The following HS6ST2 variants were observed in gnomAD, a reference collection of about 807,000 sequenced individuals.
The protein encoded by HS6ST2 is heparan-sulfate 6-O-sulfotransferase 2.
Under a neutral mutation model 33.0 loss-of-function variants are expected in HS6ST2, and 17 were observed. The ratio of observed to expected loss-of-function variants is 0.52; its 90% CI spans 0.35 to 0.77. The LOEUF (loss-of-function observed/expected upper bound fraction) is 0.77, where lower values mean the gene tolerates loss of function less well. HS6ST2 is among the 30% of genes least tolerant of loss of function. The pLI, the probability that HS6ST2 is intolerant of heterozygous loss-of-function variation, is 0.01. For missense variants in HS6ST2, 519 were observed against 551.7 expected (o/e 0.94, Z 0.59); for synonymous variants, 248 against 237.1 (o/e 1.05, Z -0.42).
At chrX:132,694,964 G>A (rs1229424673) in intron 3 of HS6ST2, among the ~76,000 whole-genome samples, 1 of 110,984 alleles carries the variant, frequency 9.0e-6, no homozygotes, top group Non-Finnish European at 1.9e-5. Flanking sequence ...TTTGTCTGGG[G>A]GCAGGTGAAG....
Position 132,681,005 on chromosome X carries a change from TA to T in HS6ST2, c.981-11807del, listed in dbSNP as rs56407214. 2.8e-3 allele frequency among the ~76,000 whole-genome samples: 263 copies of T among 95,548 alleles called. 1 individual carries two copies. Among genetic ancestry groups the T allele is most frequent in the Admixed American group, 4.6e-3 (40 of 8,786 alleles). 83.0% of individuals were successfully genotyped at this position (95,548 alleles called of 115,157 possible). A position where few individuals can be genotyped will look rare whatever the true frequency, so the allele number is the denominator to read the frequency against. On this transcript the variant is annotated intron_variant, in intron 3 of 4. Coordinates refer to ENST00000370833, the MANE Select transcript of HS6ST2 (RefSeq NM_001394073.1). ...GGGCAACAAGAGCAAAACTCTGTCT[TA>T]AAAAAAAAAAAAAAGTCTTGTGTTT...
At chrX:132,801,574 C>T (rs1016145467) in intron 2 of HS6ST2, among the ~76,000 whole-genome samples, 4 of 111,602 alleles carry the variant, frequency 3.6e-5, no homozygotes, top group South Asian at 3.8e-4. Context: ...AGAATTGCAG[C>T]GCCAGGTGGA....
intron 2 of HS6ST2, among the ~76,000 whole-genome samples, chrX:132,778,398 TTTTTTTG>T (rs1259733992): frequency 9.0e-6 from 1 of 111,041 alleles, no homozygotes. Context: ...TTTTGTTTTG[TTTTTTTG>T]TTTTTTGTTT....
intron 2 of HS6ST2, among the ~76,000 whole-genome samples, chrX:132,726,421 T>G (rs1275876846): frequency 8.9e-6 from 1 of 112,727 alleles, no homozygotes; most frequent in Non-Finnish European, 1.9e-5. Flanking sequence ...GATGAAGATC[T>G]CTCCCAAAAC....
At chrX:132,751,579 T>C (rs1029241486) in intron 2 of HS6ST2, among the ~76,000 whole-genome samples, 1 of 112,059 alleles carries the variant, frequency 8.9e-6, no homozygotes, top group African/African-American at 3.2e-5. Flanking sequence ...CACTTTCTTC[T>C]GGAAACCCTT....
rs372014911 is a variant in HS6ST2 at position 132,944,256 on chromosome X, C to T, written c.947+12552G>A. On this transcript the variant is annotated intron_variant, in intron 2 of 4. Transcript: ENST00000370833. ...ATCATGAGTGAACTCCCATTCACAA[C>T]TGCCTCAAAGAGAATAAAATACCTA... 8.1e-5 allele frequency among the ~76,000 whole-genome samples: 9 copies of T among 111,232 alleles called. No individual in the cohort carries two copies. In the East Asian group the frequency reaches 2.6e-3, roughly 32 times the overall value.
intron 2 of HS6ST2, among the ~76,000 whole-genome samples, chrX:132,791,178 C>G (rs755077498): frequency 1.7e-4 from 19 of 111,328 alleles, no homozygotes; most frequent in African/African-American, 5.9e-4. Context: ...CAAAGAAAAT[C>G]TTAAGATATG....
intron 2 of HS6ST2, among the ~76,000 whole-genome samples, chrX:132,856,253 T>G (rs2065851412): frequency 1.8e-5 from 2 of 112,447 alleles, no homozygotes; most frequent in Middle Eastern, 4.7e-3. Context: ...AAAGACTACA[T>G]TCATATAATT....
intron 2 of HS6ST2, among the ~76,000 whole-genome samples, chrX:132,735,730 G>A (rs2064501582): frequency 8.9e-6 from 1 of 112,266 alleles, no homozygotes; most frequent in Admixed American, 9.4e-5. Context: ...TGTTGGAGCT[G>A]GAGACCCAGG....
intron 2 of HS6ST2, among the ~76,000 whole-genome samples, chrX:132,812,046 C>T (rs2065351410): frequency 9.2e-6 from 1 of 109,117 alleles, no homozygotes; most frequent in Non-Finnish European, 1.9e-5. Context: ...ATATTCCCAC[C>T]AGCAGTGCAC....
At chrX:132,955,798 G>T (rs2067063023) in intron 2 of HS6ST2, among the ~76,000 whole-genome samples, 2 of 112,824 alleles carry the variant, frequency 1.8e-5, no homozygotes, top group South Asian at 7.3e-4. Context: ...CTAGCAACTG[G>T]ACATCGCGTC....
Position 132,811,846 on chromosome X carries a change from A to G in HS6ST2, c.948-103352T>C, listed in dbSNP as rs182075106. Among the ~76,000 whole-genome samples the G allele has an allele frequency of 7.6e-5, 8 of 105,044 alleles. No individual in the cohort carries two copies. The East Asian group carries it at 1.5e-3, about 20-fold the overall frequency. The allele number at this position is 105,044 out of a possible 115,157, so 91.2% of individuals were successfully genotyped here. A position where few individuals can be genotyped will look rare whatever the true frequency, so the allele number is the denominator to read the frequency against. Reference sequence around the variant, plus strand: ...TTTGTGTTACAAATAATCTAATTATACTCTTTTAGTTATTTTAAAATGTAC... The same window carrying G: ...TTTGTGTTACAAATAATCTAATTATGCTCTTTTAGTTATTTTAAAATGTAC... On this transcript the variant is annotated intron_variant, in intron 2 of 4. Coordinates refer to ENST00000370833, the MANE Select transcript of HS6ST2 (RefSeq NM_001394073.1).
intron 2 of HS6ST2, among the ~76,000 whole-genome samples, chrX:132,924,344 G>A (rs2066688134): frequency 8.9e-6 from 1 of 112,342 alleles, no homozygotes; most frequent in Non-Finnish European, 1.9e-5. Context: ...GTTTGAAACA[G>A]TTAATGAGTC....
At chrX:132,813,315 A>G (rs2065366871) in intron 2 of HS6ST2, among the ~76,000 whole-genome samples, 2 of 111,272 alleles carry the variant, frequency 1.8e-5, no homozygotes, top group African/African-American at 3.3e-5. Flanking sequence ...CCCTTCTCCC[A>G]TGATTTAGAT....
At chrX:132,663,235 C>G (rs1412934938) in intron 4 of HS6ST2, among the ~76,000 whole-genome samples, 1 of 112,496 alleles carries the variant, frequency 8.9e-6, no homozygotes, top group Non-Finnish European at 1.9e-5. Context: ...CTGACTAGCA[C>G]TAGGTTAAAT....
chrX:132,945,423 C>T (rs753809468), intron 2 of HS6ST2, among the ~76,000 whole-genome samples: 16 of 111,787 alleles, frequency 1.4e-4, no homozygotes, highest in African/African-American at 5.2e-4. Flanking sequence ...TAAACTGGTT[C>T]AACCATTGTG....
intron 4 of HS6ST2, among the ~76,000 whole-genome samples, chrX:132,657,546 C>T (rs1163737603): frequency 9.1e-6 from 1 of 109,553 alleles, no homozygotes; most frequent in Non-Finnish European, 1.9e-5. Context: ...TGCATTTTTT[C>T]CCCCCAAAGT....
intron 2 of HS6ST2, among the ~76,000 whole-genome samples, chrX:132,951,188 C>T (rs1411764588): frequency 1.8e-5 from 2 of 111,292 alleles, no homozygotes; most frequent in East Asian, 2.8e-4. Context: ...ACCTAGACTC[C>T]GACCTTTATT....
At chrX:132,645,273 G>A (rs1313002204) in intron 4 of HS6ST2, among the ~76,000 whole-genome samples, 1 of 112,890 alleles carries the variant, frequency 8.9e-6, no homozygotes, top group Non-Finnish European at 1.9e-5. Context: ...GGCAGCAGTA[G>A]GGCAAGTTCT....
Sources: gnomAD v4.1 joint callset for allele counts (sites outside exome capture counted in the v4.1 genomes callset) on GRCh38, gnomAD v4.1.1 for gene constraint, MANE v1.5 for transcripts, NCBI Gene and HGNC (gene_info 2026-07-23, HGNC 2026-07-21) for gene names.